The following ZDHHC14 variants were observed in gnomAD, a reference collection of about 807,000 sequenced individuals.
The protein encoded by ZDHHC14 is zDHHC palmitoyltransferase 14.
In ZDHHC14, 16 loss-of-function variants were observed where a neutral mutation model predicts 47.7. That is an observed-to-expected ratio of 0.34 (90% CI 0.23 to 0.51). The LOEUF is 0.51. Among genes scored for constraint, ZDHHC14 ranks in the 20% least tolerant of loss-of-function variants. The probability of loss-of-function intolerance (pLI) is 0.97; values close to 1 mark genes in which losing one functional copy is unlikely to be tolerated. For missense variants in ZDHHC14, 515 were observed against 662.5 expected (o/e 0.78, Z 2.44); for synonymous variants, 293 against 278.9 (o/e 1.05, Z -0.50).
intron 1 of ZDHHC14, among the ~76,000 whole-genome samples, chr6:157,535,882 T>G (rs1009866786): frequency 1.3e-5 from 2 of 152,220 alleles, no homozygotes; most frequent in Non-Finnish European, 2.9e-5. Context: ...TTTCTAAGTA[T>G]GTGATTAAGG....
chr6:157,555,302 G>T (rs1248706380), intron 2 of ZDHHC14, among the ~76,000 whole-genome samples: 1 of 152,182 alleles, frequency 6.6e-6, no homozygotes. Flanking sequence ...GGTCACAAAT[G>T]GTTTGTCTGC....
chr6:157,594,324 C>T (rs548257460), intron 3 of ZDHHC14, among the ~76,000 whole-genome samples: 1 of 152,160 alleles, frequency 6.6e-6, no homozygotes, highest in Non-Finnish European at 1.5e-5. Flanking sequence ...TCAGCCTTGC[C>T]TCCCCAACAG....
Position 157,582,865 on chromosome 6 carries a change from A to C in ZDHHC14, c.407-10123A>C, listed in dbSNP as rs1783563445. ...TTTCCCTGTCTCTTTCAGGAACACC[A>C]ATGAGTCGCTGATTTGGTCTCTTTA... On this transcript the variant is annotated intron_variant, in intron 2 of 8. Coordinates refer to ENST00000359775, the MANE Select transcript of ZDHHC14 (RefSeq NM_024630.3). This position sits in a 1 kb window ranked among gnomAD's most constrained non-coding sequence, Gnocchi z 4.3. Among the ~76,000 whole-genome samples the C allele has an allele frequency of 6.6e-6, 1 of 152,100 alleles. No individual in the cohort carries two copies. Among genetic ancestry groups the C allele is most frequent in the South Asian group, 2.1e-4 (1 of 4,828 alleles).
At chr6:157,555,195 G>A (rs950909876) in intron 2 of ZDHHC14, among the ~76,000 whole-genome samples, 2 of 152,306 alleles carry the variant, frequency 1.3e-5, no homozygotes, top group South Asian at 4.1e-4. Context: ...GTTTCTCTTA[G>A]AGGCAGATGA....
At chr6:157,522,031 T>A (rs971532519) in intron 1 of ZDHHC14, among the ~76,000 whole-genome samples, 7 of 151,886 alleles carry the variant, frequency 4.6e-5, no homozygotes, top group African/African-American at 1.7e-4. Context: ...ATTTTTTTTT[T>A]AAAGTACAAA....
At chr6:157,647,492 G>A (rs761599443) in intron 7 of ZDHHC14, 124 bp downstream of exon 7, 24 of 627,744 alleles carry the variant, frequency 3.8e-5, no homozygotes, top group Non-Finnish European at 5.9e-5. Flanking sequence ...TTTGTGCCGC[G>A]TGGATGTGGC....
At chr6:157,642,311 C>G (rs144145816) in intron 5 of ZDHHC14, among the ~76,000 whole-genome samples, 174 of 152,318 alleles carry the variant, frequency 1.1e-3, no homozygotes, top group African/African-American at 3.9e-3. Flanking sequence ...CTGCTGCAAA[C>G]AGAGCCCCTA....
In ZDHHC14 at chr6:157,544,080, C is replaced by T. The variant is rs142853357; in HGVS notation, c.406+1335C>T. 2.8e-3 allele frequency among the ~76,000 whole-genome samples: 419 copies of T among 152,296 alleles called. 1 individual carries two copies. The highest frequency in any genetic ancestry group is 9.6e-3 in the African/African-American group (401 of 41,558). On this transcript the variant is annotated intron_variant, in intron 2 of 8. Coordinates refer to ENST00000359775, the MANE Select transcript of ZDHHC14 (RefSeq NM_024630.3). ...ATGGGTGAAAGTGGCAGAACTGGAG[C>T]CTAGAACCCAGGTTTCCAGATTTCA...
At position 157,482,421 on chromosome 6, in the gene ZDHHC14, T is replaced by C. The variant is rs184023575; in HGVS notation, c.246-60164T>C. On this transcript the variant is annotated intron_variant, in intron 1 of 8. Coordinates refer to ENST00000359775, the MANE Select transcript of ZDHHC14 (RefSeq NM_024630.3). ...GGCACGTGCCATCATCCTTGGCTAA[T>C]TTTTTTTTTTTAGTAGAGACCGGGG... 3.0e-3 allele frequency among the ~76,000 whole-genome samples: 426 copies of C among 141,058 alleles called. 4 individuals are homozygous for C. Among genetic ancestry groups the C allele is most frequent in the African/African-American group, 0.011 (420 of 39,164 alleles). The allele number at this position is 141,058 out of a possible 152,430, so 92.5% of individuals were successfully genotyped here.
chr6:157,607,529 T>C (rs1403340208), intron 3 of ZDHHC14, among the ~76,000 whole-genome samples: 1 of 152,120 alleles, frequency 6.6e-6, no homozygotes, highest in Non-Finnish European at 1.5e-5. Context: ...CCACCTACAG[T>C]GTGGCCTGCC....
intron 3 of ZDHHC14, among the ~76,000 whole-genome samples, chr6:157,623,828 G>A (rs897187995): frequency 5.3e-5 from 8 of 152,024 alleles, no homozygotes; most frequent in East Asian, 1.9e-4. Flanking sequence ...GATTGCAGGC[G>A]TGAGCCACCA....
chr6:157,531,128 C>G (rs4709360), intron 1 of ZDHHC14, among the ~76,000 whole-genome samples: 83,450 of 151,850 alleles, frequency 0.55, 23,176 homozygotes, highest in African/African-American at 0.63. Context: ...ACCTTTGCAC[C>G]CATCGCTTTG....
chr6:157,540,405 C>T (rs575410763), intron 1 of ZDHHC14, among the ~76,000 whole-genome samples: 3 of 152,270 alleles, frequency 2.0e-5, no homozygotes, highest in African/African-American at 7.2e-5. Context: ...GTGGACTTTG[C>T]GGTCCACCAA....
intron 1 of ZDHHC14, among the ~76,000 whole-genome samples, chr6:157,458,674 G>A (rs1272407715): frequency 1.3e-5 from 2 of 152,024 alleles, no homozygotes; most frequent in African/African-American, 2.4e-5. Flanking sequence ...TGCAAACAAT[G>A]AGTGGCGCAT....
rs536288489 is a variant in ZDHHC14, at chr6:157,637,488, T to C, written c.752+4606T>C. Reference sequence around the variant, plus strand: ...GTGGCTGGTTTATGATGGATGAGTTTGATCTGGGGCACACTCATAAAAGCC... The same window carrying C: ...GTGGCTGGTTTATGATGGATGAGTTCGATCTGGGGCACACTCATAAAAGCC... On this transcript the variant is annotated intron_variant, in intron 5 of 8. Coordinates refer to ENST00000359775, the MANE Select transcript of ZDHHC14 (RefSeq NM_024630.3). 2.6e-5 allele frequency among the ~76,000 whole-genome samples: 4 copies of C among 152,306 alleles called. No individual in the cohort carries two copies. In the East Asian group the frequency reaches 7.7e-4, roughly 29 times the overall value.
chr6:157,561,415 T>C (rs969638018), intron 2 of ZDHHC14, among the ~76,000 whole-genome samples: 2 of 152,090 alleles, frequency 1.3e-5, no homozygotes, highest in African/African-American at 4.8e-5. Context: ...TCTTACCGTG[T>C]GTATTATTTT....
intron 2 of ZDHHC14, among the ~76,000 whole-genome samples, chr6:157,584,850 G>A (rs1427237633): frequency 1.3e-5 from 2 of 152,190 alleles, no homozygotes; most frequent in Admixed American, 6.5e-5. Flanking sequence ...GGGACTATAT[G>A]AAGGAAGAGA....
intron 1 of ZDHHC14, among the ~76,000 whole-genome samples, chr6:157,439,542 C>T (rs1778520936): frequency 6.6e-6 from 1 of 152,134 alleles, no homozygotes; most frequent in Non-Finnish European, 1.5e-5. Flanking sequence ...GAAATAGGAA[C>T]ATTTTTACAC....
chr6:157,465,707 C>CCT (rs1779196090), intron 1 of ZDHHC14, among the ~76,000 whole-genome samples: 1 of 152,034 alleles, frequency 6.6e-6, no homozygotes, highest in African/African-American at 2.4e-5. Context: ...GGCAGGTTGG[C>CCT]CTCTGTGCCT....
Sources: allele counts gnomAD v4.1 joint callset (sites outside exome capture counted in the v4.1 genomes callset), GRCh38; gene constraint gnomAD v4.1.1; non-coding constraint Gnocchi (gnomAD v3.1); transcripts MANE v1.5; gene names NCBI Gene and HGNC (gene_info 2026-07-23, HGNC 2026-07-21).